The following MRPS31 variants were observed in gnomAD, a reference collection of about 807,000 sequenced individuals.
MRPS31 encodes the protein small ribosomal subunit protein mS31.
A neutral mutation model predicts 43.1 loss-of-function variants in MRPS31; 32 were observed. That is an observed-to-expected ratio of 0.74 (90% CI 0.56 to 1.00). The LOEUF is 1.00. MRPS31 is among the 50% of genes least tolerant of loss of function. The probability of loss-of-function intolerance (pLI) is 0.00; values close to 1 mark genes in which losing one functional copy is unlikely to be tolerated. For missense variants in MRPS31, 437 were observed against 466.7 expected (o/e 0.94, Z 0.59); for synonymous variants, 165 against 161.6 (o/e 1.02, Z -0.16).
intron 6 of MRPS31, among the ~76,000 whole-genome samples, chr13:40,748,400 G>A (rs1464297952): frequency 6.6e-6 from 1 of 152,098 alleles, no homozygotes; most frequent in Non-Finnish European, 1.5e-5. Flanking sequence ...CAGGCGATCC[G>A]CCCGCCTCAG....
Position 40,771,185 on chromosome 13 carries a change from G to C in MRPS31, c.-49C>G, listed in dbSNP as rs201629936. 2.0e-6 allele frequency: 3 copies of C among 1,536,918 alleles called. No homozygotes were observed. The African/African-American group carries it at 4.2e-5, about 21-fold the overall frequency. The stretch of plus-strand genomic sequence containing the variant: ...GAACACAACTGAAATGGTGCGTCCC[G>C]CTGCCAAACACGTCCCCGCCCTCTC... On this transcript the variant is annotated 5_prime_UTR_variant, in exon 1 of 7. Transcript: ENST00000323563.
chr13:40,770,940 T>C, intron 1 of MRPS31, 45 bp downstream of exon 1: 1 of 1,613,050 alleles, frequency 6.2e-7, no homozygotes, highest in Non-Finnish European at 8.5e-7. Flanking sequence ...CCCCAGGAAG[T>C]CGGAGGATGT....
intron 4 of MRPS31, among the ~76,000 whole-genome samples, chr13:40,755,088 ATTC>A (rs1412933242): frequency 6.6e-6 from 1 of 152,238 alleles, no homozygotes; most frequent in Non-Finnish European, 1.5e-5. Context: ...ATAATTTTGA[ATTC>A]TTGTTTTTTT....
chr13:40,754,921 C>T (rs1880489041), intron 4 of MRPS31, among the ~76,000 whole-genome samples: 1 of 152,174 alleles, frequency 6.6e-6, no homozygotes, highest in African/African-American at 2.4e-5. Context: ...GTAATCTCTG[C>T]TACTTGAGAG....
At chr13:40,763,899 T>C (rs1347672002) in intron 2 of MRPS31, among the ~76,000 whole-genome samples, 1 of 152,142 alleles carries the variant, frequency 6.6e-6, no homozygotes, top group East Asian at 1.9e-4. Flanking sequence ...CATGGGTAAG[T>C]GTACTGGCCA....
At chr13:40,748,966 G>A (rs1414726064) in intron 6 of MRPS31, among the ~76,000 whole-genome samples, 172 bp downstream of exon 6, 1 of 152,158 alleles carries the variant, frequency 6.6e-6, no homozygotes, top group African/African-American at 2.4e-5. Flanking sequence ...CTAAAAATAA[G>A]TGAAATTCCA....
intron 6 of MRPS31, among the ~76,000 whole-genome samples, chr13:40,733,036 C>G (rs1879752684): frequency 8.8e-6 from 1 of 113,088 alleles, no homozygotes; most frequent in Non-Finnish European, 1.7e-5. Flanking sequence ...GGGAGTTTCA[C>G]TCTTGTTGCC....
At position 40,736,910 on chromosome 13, in the gene MRPS31, G is replaced by C. The variant is rs1355688755; in HGVS notation, c.959-7309C>G. ...ATAACCAGCTAACATCATAATGACA[G>C]GATCAAATTCACACATAACAATATT... On this transcript the variant is annotated intron_variant, in intron 6 of 6. Transcript: ENST00000323563. Among the ~76,000 whole-genome samples the C allele has an allele frequency of 1.0e-4, 15 of 150,608 alleles. No homozygotes were observed. In the South Asian group the frequency reaches 1.1e-3, roughly 11 times the overall value.
At chr13:40,748,605 GTAGA>G (rs1880305047) in intron 6 of MRPS31, among the ~76,000 whole-genome samples, 1 of 152,200 alleles carries the variant, frequency 6.6e-6, no homozygotes, top group African/African-American at 2.4e-5. Context: ...ATCCAGTAAA[GTAGA>G]TGATATTCTG....
At chr13:40,746,284 T>C (rs1880237386) in intron 6 of MRPS31, among the ~76,000 whole-genome samples, 2 of 152,182 alleles carry the variant, frequency 1.3e-5, no homozygotes, top group African/African-American at 4.8e-5. Flanking sequence ...TAAAAGAAAG[T>C]TATTGAATTG....
intron 6 of MRPS31, among the ~76,000 whole-genome samples, chr13:40,742,886 C>T (rs966424838): frequency 3.3e-5 from 5 of 152,114 alleles, no homozygotes; most frequent in African/African-American, 9.7e-5. Flanking sequence ...TACCTTTGAC[C>T]ATGTACAAAA....
At position 40,754,089 on chromosome 13, in the gene MRPS31, T is replaced by A. The variant is rs1417921468; in HGVS notation, c.744A>T (p.Lys248Asn). 6.4e-7 allele frequency: 1 copy of A among 1,554,648 alleles called. No homozygotes were observed. Among genetic ancestry groups the A allele is most frequent in the Non-Finnish European group, 8.8e-7 (1 of 1,138,338 alleles). Residue 248 changes from lysine to asparagine, a missense_variant, in exon 5 of 7, where the codon AAA becomes AAT. Lys to Asn is a moderately conservative substitution (Grantham distance 94). Coordinates refer to ENST00000323563, the MANE Select transcript of MRPS31 (RefSeq NM_005830.4). Reference sequence around the variant, plus strand: ...TAAGTCTTTTCCCTGTGAATATATTTTTCCTAAGTCCAAAAAAAGAAAATA... The same window carrying A: ...TAAGTCTTTTCCCTGTGAATATATTATTCCTAAGTCCAAAAAAAGAAAATA... ...QEKTDDLKKRKNIFTGKRLNI... is the reference protein window; with the variant it reads ...QEKTDDLKKRNNIFTGKRLNI...
intron 5 of MRPS31, among the ~76,000 whole-genome samples, chr13:40,750,804 T>C (rs373442832): frequency 2.0e-5 from 3 of 148,404 alleles, no homozygotes; most frequent in East Asian, 3.9e-4. Context: ...TCCCTTACTA[T>C]TCAATATTTT....
At chr13:40,763,394 T>A (rs1880755926) in intron 2 of MRPS31, among the ~76,000 whole-genome samples, 1 of 152,188 alleles carries the variant, frequency 6.6e-6, no homozygotes, top group African/African-American at 2.4e-5. Flanking sequence ...GTATCTCTTG[T>A]AACAGGGCCA....
At chr13:40,733,109 T>C (rs1339211820) in intron 6 of MRPS31, among the ~76,000 whole-genome samples, 1 of 147,784 alleles carries the variant, frequency 6.8e-6, no homozygotes, top group African/African-American at 2.5e-5. Context: ...GTTCGAGCAA[T>C]TCTCTTGCCT....
chr13:40,750,099 G>A (rs1326212833), intron 5 of MRPS31, among the ~76,000 whole-genome samples: 3 of 152,068 alleles, frequency 2.0e-5, no homozygotes, highest in Non-Finnish European at 2.9e-5. Context: ...AGCCAAATGT[G>A]GGTTGTAATT....
At chr13:40,763,938 G>A (rs1593278716) in intron 2 of MRPS31, among the ~76,000 whole-genome samples, 1 of 152,282 alleles carries the variant, frequency 6.6e-6, no homozygotes, top group African/African-American at 2.4e-5. Flanking sequence ...TCAGCCAACA[G>A]CCAGTATCAA....
At chr13:40,767,771 C>CTAG (rs1880892380) in intron 1 of MRPS31, among the ~76,000 whole-genome samples, 2 of 152,224 alleles carry the variant, frequency 1.3e-5, no homozygotes, top group South Asian at 4.1e-4. Context: ...CCAAATGTGA[C>CTAG]TGACTGCAAG....
chr13:40,768,017 T>G (rs989955454), intron 1 of MRPS31, among the ~76,000 whole-genome samples: 1 of 152,224 alleles, frequency 6.6e-6, no homozygotes, highest in African/African-American at 2.4e-5. Flanking sequence ...CTTTCTTCAC[T>G]AGATACATTT....
Sources: gnomAD v4.1 joint callset for allele counts (sites outside exome capture counted in the v4.1 genomes callset) on GRCh38, gnomAD v4.1.1 for gene constraint, MANE v1.5 for transcripts, NCBI Gene and HGNC (gene_info 2026-07-23, HGNC 2026-07-21) for gene names.